PWWP2A: variants seen among roughly 807,000 people sequenced by gnomAD.
PWWP2A encodes PWWP domain containing 2A, also known as PWWP domain-containing protein 2A.
Under a neutral mutation model 48.5 loss-of-function variants are expected in PWWP2A, and 18 were observed. The observed-to-expected ratio is 0.37, with a 90% CI of 0.26 to 0.55. PWWP2A has a LOEUF of 0.55. PWWP2A is among the 20% of genes least tolerant of loss of function. PWWP2A has a pLI of 0.81. For missense variants in PWWP2A, 867 were observed against 976.4 expected (o/e 0.89, Z 1.49); for synonymous variants, 396 against 387.7 (o/e 1.02, Z -0.25).
At chr5:160,104,637 T>A (rs1173271604) in intron 1 of PWWP2A, among the ~76,000 whole-genome samples, 1 of 151,998 alleles carries the variant, frequency 6.6e-6, no homozygotes, top group African/African-American at 2.4e-5. Flanking sequence ...ACCCCATTTC[T>A]ACTAAAAATA....
intron 1 of PWWP2A, chr5:160,113,167 A>G: frequency 1.0e-6 from 1 of 959,416 alleles, no homozygotes; most frequent in Non-Finnish European, 1.2e-6. Context: ...TCAAAAAAAA[A>G]AAAGAAAAAA....
intron 1 of PWWP2A, among the ~76,000 whole-genome samples, chr5:160,108,066 A>T (rs1210592257): frequency 6.6e-6 from 1 of 152,204 alleles, no homozygotes; most frequent in Non-Finnish European, 1.5e-5. Flanking sequence ...TGTATAACAC[A>T]TCTAGTGTAT....
chr5:160,056,507 G>T, the PWWP2A span, among the ~76,000 whole-genome samples: 15 of 152,118 alleles, frequency 9.9e-5, no homozygotes, highest in African/African-American at 3.6e-4. Flanking sequence ...GGTCAAGACT[G>T]CAGTTGAAGA....
the PWWP2A span, among the ~76,000 whole-genome samples, chr5:160,050,850 T>G: frequency 6.6e-6 from 1 of 152,028 alleles, no homozygotes; most frequent in Non-Finnish European, 1.5e-5. Flanking sequence ...GGTCTCAAAC[T>G]CCTGAGCTCA....
In PWWP2A at chr5:160,119,166, G is replaced by A; in HGVS notation, c.223C>T (p.Pro75Ser). 1.3e-6 allele frequency: 2 copies of A among 1,526,324 alleles called. No individual in the cohort carries two copies. The highest frequency in any genetic ancestry group is 2.2e-5 in the Admixed American group (1 of 44,742). The allele number at this position is 1,526,324 out of a possible 1,614,324, so 94.5% of individuals were successfully genotyped here. The change falls in exon 1 of 2, where the codon CCG becomes TCG. Residue 75 changes from proline (P) to serine (S), a missense_variant. Transcript: ENST00000307063. Reference protein sequence around the residue: ...EPPLPPPPPPPGELARSPEAV... With the variant: ...EPPLPPPPPPSGELARSPEAV... ...TCTGGGCTGCGGGCGAGCTCCCCCG[G>A]CGGCGGCGGTGGCGGCGGGAGCGGC... is the stretch of plus-strand genomic sequence containing the variant.
intron 1 of PWWP2A, among the ~76,000 whole-genome samples, chr5:160,103,478 T>C (rs550935459): frequency 1.3e-5 from 2 of 152,258 alleles, no homozygotes; most frequent in East Asian, 3.9e-4. Context: ...GTCTCAGCCC[T>C]AGGACACAGC....
chr5:160,071,048 G>C (rs1753727608), downstream of PWWP2A, among the ~76,000 whole-genome samples: 1 of 152,140 alleles, frequency 6.6e-6, no homozygotes, highest in Non-Finnish European at 1.5e-5. Context: ...AGTTAGCCAG[G>C]CATGGTGGTA....
downstream of PWWP2A, among the ~76,000 whole-genome samples, chr5:160,087,365 G>A (rs535736259): frequency 6.8e-6 from 1 of 147,050 alleles, no homozygotes; most frequent in South Asian, 2.2e-4. Flanking sequence ...GGGTGACAGA[G>A]TGTGACCCTA....
chr5:160,095,348 T>C (rs187223900), intron 1 of PWWP2A, among the ~76,000 whole-genome samples: 39 of 152,248 alleles, frequency 2.6e-4, no homozygotes, highest in African/African-American at 8.9e-4. Context: ...GAGTTAGAAA[T>C]AACAGTGGCT....
chr5:160,079,010 A>G (rs1436912987), intron 3 of PWWP2A, among the ~76,000 whole-genome samples: 1 of 152,152 alleles, frequency 6.6e-6, no homozygotes, highest in Non-Finnish European at 1.5e-5. Flanking sequence ...ACCCTCTACA[A>G]TCCCTGATTA....
intron 1 of PWWP2A, among the ~76,000 whole-genome samples, chr5:160,107,360 A>G (rs1018686326): frequency 6.6e-6 from 1 of 152,186 alleles, no homozygotes; most frequent in African/African-American, 2.4e-5. Context: ...AAATCTACCT[A>G]GAATATAACT....
chr5:160,075,306 C>T (rs1256557698), downstream of PWWP2A, among the ~76,000 whole-genome samples: 1 of 152,006 alleles, frequency 6.6e-6, no homozygotes, highest in African/African-American at 2.4e-5. Flanking sequence ...GAGATTAAAG[C>T]CTTCATGTAC....
intron 2 of PWWP2A, among the ~76,000 whole-genome samples, chr5:160,081,697 A>G (rs1371706380): frequency 1.3e-5 from 2 of 152,232 alleles, no homozygotes; most frequent in African/African-American, 4.8e-5. Flanking sequence ...CTTTTTTATG[A>G]CACTTAAGCT....
rs1224935697 is a variant in PWWP2A, at chr5:160,091,941, C to A, written c.*441G>T. The stretch of plus-strand genomic sequence containing the variant: ...TCCCAAATATGCAATCTGTGTCACA[C>A]AGTGACAGGCTGTATTTCATATATA... On this transcript the variant is annotated 3_prime_UTR_variant, in exon 2 of 2. Transcript: ENST00000307063. 2.0e-6 allele frequency: 2 copies of A among 977,084 alleles called. No homozygotes were observed. Among genetic ancestry groups the A allele is most frequent in the African/African-American group, 3.5e-5 (2 of 56,604 alleles). 60.5% of individuals were successfully genotyped at this position (977,084 alleles called of 1,614,324 possible).
intron 1 of PWWP2A, among the ~76,000 whole-genome samples, chr5:160,100,988 A>G (rs1225081820): frequency 6.6e-6 from 1 of 152,242 alleles, no homozygotes; most frequent in Non-Finnish European, 1.5e-5. Context: ...ACAAAGTATG[A>G]GCTAGACAGA....
intron 1 of PWWP2A, among the ~76,000 whole-genome samples, chr5:160,118,107 C>G (rs1229714194): frequency 6.6e-6 from 1 of 152,286 alleles, no homozygotes; most frequent in Admixed American, 6.5e-5. Context: ...TTAGAAGTTA[C>G]TTGAACATTT....
At chr5:160,109,820 A>G (rs1413595150) in intron 1 of PWWP2A, among the ~76,000 whole-genome samples, 1 of 118,994 alleles carries the variant, frequency 8.4e-6, no homozygotes, top group Non-Finnish European at 1.8e-5. Context: ...AAATAATATA[A>G]TAATATATAT....
intron 2 of PWWP2A, among the ~76,000 whole-genome samples, chr5:160,080,926 A>G (rs996542588): frequency 4.6e-5 from 7 of 152,228 alleles, no homozygotes; most frequent in Admixed American, 2.6e-4. Context: ...CAGAAGGAGA[A>G]GCTTTGGTAC....
chr5:160,080,682 C>T, exon 3 of PWWP2A: 1 of 1,566,730 alleles, frequency 6.4e-7, no homozygotes, highest in Non-Finnish European at 8.7e-7. Flanking sequence ...TCAATGCTCC[C>T]AGTCTGAATC....
Sources: gnomAD v4.1 joint callset for allele counts (sites outside exome capture counted in the v4.1 genomes callset) on GRCh38, gnomAD v4.1.1 for gene constraint, MANE v1.5 for transcripts, NCBI Gene and HGNC (gene_info 2026-07-23, HGNC 2026-07-21) for gene names.